CAPN9: variants seen among roughly 807,000 people sequenced by gnomAD.
The protein encoded by CAPN9 is calpain 9, also known as calpain-9.
Under a neutral mutation model 92.8 loss-of-function variants are expected in CAPN9, and 81 were observed. That is an observed-to-expected ratio of 0.87 (90% CI 0.73 to 1.05). CAPN9 has a LOEUF of 1.05. Among genes scored for constraint, CAPN9 ranks in the 50% least tolerant of loss-of-function variants. The probability of loss-of-function intolerance (pLI) is 0.00; values close to 1 mark genes in which losing one functional copy is unlikely to be tolerated. For missense variants in CAPN9, 848 were observed against 866.2 expected (o/e 0.98, Z 0.26); for synonymous variants, 304 against 328.0 (o/e 0.93, Z 0.79).
In CAPN9 at chr1:230,768,049, TAAATAAAA is replaced by T. The variant is rs1385075569; in HGVS notation, c.705+343_705+350del. ...ATAAATAAATAAATAAATAAATAAA[TAAATAAAA>T]AATAAAATAAAATAAAATAAAAATA... On this transcript the variant is annotated intron_variant, in intron 5 of 19. Coordinates refer to ENST00000271971, the MANE Select transcript of CAPN9 (RefSeq NM_006615.3). Among the ~76,000 whole-genome samples the T allele has an allele frequency of 7.8e-3, 573 of 73,808 alleles. 8 individuals carry two copies. The highest frequency in any genetic ancestry group is 0.022 in the African/African-American group (524 of 24,110). 48.4% of individuals were successfully genotyped at this position (73,808 alleles called of 152,430 possible). A position where few individuals can be genotyped will look rare whatever the true frequency, so the allele number is the denominator to read the frequency against.
intron 7 of CAPN9, among the ~76,000 whole-genome samples, chr1:230,772,710 C>T (rs1288956695): frequency 1.3e-5 from 2 of 149,030 alleles, no homozygotes; most frequent in Non-Finnish European, 3.0e-5. Flanking sequence ...CCACTGCATT[C>T]CAGCCTGGGC....
intron 6 of CAPN9, among the ~76,000 whole-genome samples, chr1:230,770,250 A>G (rs1027334026): frequency 6.6e-6 from 1 of 152,164 alleles, no homozygotes; most frequent in Non-Finnish European, 1.5e-5. Flanking sequence ...AGGAACACCA[A>G]TGGTAAAAGT....
intron 2 of CAPN9, among the ~76,000 whole-genome samples, chr1:230,756,345 A>T (rs1025740911): frequency 2.0e-5 from 3 of 152,236 alleles, no homozygotes; most frequent in African/African-American, 7.2e-5. Context: ...GGATAGATAG[A>T]TAGAAACATA....
At chr1:230,789,447 C>G (rs11585746) in intron 13 of CAPN9, among the ~76,000 whole-genome samples, 7 of 129,302 alleles carry the variant, frequency 5.4e-5, no homozygotes, top group South Asian at 5.1e-4. Context: ...ATACTCCAAT[C>G]TGGATGACAG....
At position 230,759,550 on chromosome 1, in the gene CAPN9, CTTAAT is replaced by C. The variant is rs1558087066; in HGVS notation, c.323_327del (p.Leu108ProfsTer31). 2 of 1,611,802 alleles carry C rather than the reference CTTAAT, an allele frequency of 1.2e-6. No individual in the cohort carries two copies. The highest frequency in any genetic ancestry group is 8.5e-7 in the Non-Finnish European group (1 of 1,179,262). ...ATTAGCCGCCATCGCCTCCCTTACG[CTTAAT>C]CAAAAAGCACTGGCCAGAGTCATCC... is the stretch of plus-strand genomic sequence containing the variant. On this transcript the variant is annotated frameshift_variant, in exon 3 of 20. Transcript: ENST00000271971. LOFTEE classifies it high-confidence loss of function.
In CAPN9 at chr1:230,779,097, C is replaced by T. The variant is rs780436701; in HGVS notation, c.1078C>T (p.Arg360Cys). The change falls in exon 9 of 20, where the codon CGC (arginine) becomes TGC (cysteine). Residue 360 changes from arginine to cysteine, a missense_variant. By Grantham distance (180) the Arg-to-Cys change is radical (BLOSUM62 -3). Transcript: ENST00000271971. ...GACGGTCCATCAGGGAAGCTGGGTT[C>T]GCGGCTCCACGGCTGGGGGCTGCCG... ...EVTVHQGSWV[R>C]GSTAGGCRNF... 4.3e-6 allele frequency: 7 copies of T among 1,612,712 alleles called. No individual in the cohort carries two copies. The highest frequency in any genetic ancestry group is 2.2e-5 in the East Asian group (1 of 44,852).
chr1:230,800,307 G>GAAGGA (rs1668647431), intron 19 of CAPN9, among the ~76,000 whole-genome samples: 1 of 50,640 alleles, frequency 2.0e-5, no homozygotes, highest in Non-Finnish European at 4.3e-5. Context: ...AGAAAGAAAG[G>GAAGGA]AAAAACAAGA....
intron 3 of CAPN9, 91 bp from the exon 4 acceptor site, chr1:230,762,562 G>C (rs1038903538): frequency 1.1e-5 from 17 of 1,499,164 alleles, no homozygotes; most frequent in Non-Finnish European, 1.5e-5. Context: ...GGTCAGAGGG[G>C]AAAAAAGCAA....
chr1:230,795,104 C>A, intron 17 of CAPN9, 59 bp from the exon 18 acceptor site: 2 of 1,068,894 alleles, frequency 1.9e-6, no homozygotes, highest in Non-Finnish European at 2.9e-6. Context: ...CTCAAAGGTG[C>A]AGACTCACCT....
At chr1:230,761,947 GCA>G (rs1300952507) in intron 3 of CAPN9, among the ~76,000 whole-genome samples, 3 of 152,154 alleles carry the variant, frequency 2.0e-5, no homozygotes, top group Non-Finnish European at 1.5e-5. Context: ...ACACATACAT[GCA>G]CACACATGCA....
Position 230,779,052 on chromosome 1 carries a change from G to A in CAPN9, c.1033G>A (p.Ala345Thr), listed in dbSNP as rs145648359. 3.3e-4 allele frequency: 540 copies of A among 1,613,702 alleles called. 6 individuals carry two copies. In the South Asian group the frequency reaches 5.2e-3, roughly 16 times the overall value. ...CACTCCCGATGCCCTGGAGGAAGAC[G>A]CGATCCACAAATGGGAGGTGACGGT... ...NLTPDALEED[A>T]IHKWEVTVHQ... Residue 345 changes from alanine (A) to threonine (T), a missense_variant, in exon 9 of 20, where the codon GCG becomes ACG. Coordinates refer to ENST00000271971, the MANE Select transcript of CAPN9 (RefSeq NM_006615.3).
Position 230,772,085 on chromosome 1 carries a change from G to C in CAPN9, c.861G>C (p.Gly287=). The change falls in exon 7 of 20, where the codon GGG becomes GGC. Residue 287 remains glycine, a synonymous_variant. Coordinates refer to ENST00000271971, the MANE Select transcript of CAPN9 (RefSeq NM_006615.3). ...CTTGGGGCCAGGTTGAGTGGAACGGGTCGTGGAGCGACAGGTCAGTCACCC... is the reference window on the plus strand; with the variant it reads ...CTTGGGGCCAGGTTGAGTGGAACGGCTCGTGGAGCGACAGGTCAGTCACCC... ...RNPWGQVEWN[G]SWSDSSPEWR... The C allele has an allele frequency of 1.2e-6, 2 of 1,614,210 alleles. No homozygotes were observed. The highest frequency in any genetic ancestry group is 3.3e-4 in the Middle Eastern group (2 of 6,062).
chr1:230,754,138 A>AGGGGCGGGGCAGGAGGCTGGGG (rs1558082718), intron 1 of CAPN9, among the ~76,000 whole-genome samples: 4 of 150,764 alleles, frequency 2.7e-5, no homozygotes, highest in African/African-American at 9.9e-5. Context: ...GGAGGCTGGG[A>AGGGGCGGGGCAGGAGGCTGGGG]AGGGGCGGGG....
At chr1:230,756,305 TGAGAGAGA>T (rs113474263) in intron 2 of CAPN9, among the ~76,000 whole-genome samples, 58 of 141,316 alleles carry the variant, frequency 4.1e-4, no homozygotes, top group Middle Eastern at 3.7e-3. Context: ...GAGAGACAAT[TGAGAGAGA>T]GAGAGAGAGA....
At chr1:230,769,387 A>G in intron 6 of CAPN9, 124 bp downstream of exon 6, 1 of 680,062 alleles carries the variant, frequency 1.5e-6, no homozygotes, top group Non-Finnish European at 2.4e-6. Context: ...AGATTATGTC[A>G]CCTAAAGAGG....
chr1:230,792,040 G>A (rs1446750325), intron 15 of CAPN9, 112 bp downstream of exon 15: 1 of 817,646 alleles, frequency 1.2e-6, no homozygotes, highest in Non-Finnish European at 2.0e-6. Context: ...TTAGCCAGCA[G>A]AATAGTCTTC....
At chr1:230,770,317 G>A (rs532232922) in intron 6 of CAPN9, among the ~76,000 whole-genome samples, 6 of 152,302 alleles carry the variant, frequency 3.9e-5, no homozygotes, top group African/African-American at 7.2e-5. Context: ...GGAAGAGAGA[G>A]TGAATTCCCC....
Position 230,798,219 on chromosome 1 carries a change from A to T in CAPN9, c.2045A>T (p.Glu682Val). ...NKEFIHLNIN[E>V]FIHLTMNI ...GAGTTCATTCATCTCAATATAAATG[A>T]GGTATGGCCAATCCAGACCCTCTGC... The change falls in exon 19 of 20, where the codon GAG (glutamate) becomes GTG (valine). Residue 682 changes from glutamate to valine, a missense_variant and splice_region_variant. Glu to Val is a moderately radical substitution (Grantham distance 121). Coordinates refer to ENST00000271971, the MANE Select transcript of CAPN9 (RefSeq NM_006615.3). The T allele has an allele frequency of 1.2e-6, 2 of 1,608,246 alleles. No individual in the cohort carries two copies. Among genetic ancestry groups the T allele is most frequent in the Middle Eastern group, 3.3e-4 (2 of 6,052 alleles).
At chr1:230,792,697 G>T in intron 16 of CAPN9, among the ~76,000 whole-genome samples, 153 bp from the exon 17 acceptor site, 1 of 152,254 alleles carries the variant, frequency 6.6e-6, no homozygotes, top group East Asian at 1.9e-4. Context: ...GAAGACAAAA[G>T]GGAGACCGAC....
Sources: allele counts gnomAD v4.1 joint callset (sites outside exome capture counted in the v4.1 genomes callset), GRCh38; gene constraint gnomAD v4.1.1; transcripts MANE v1.5; gene names NCBI Gene and HGNC (gene_info 2026-07-23, HGNC 2026-07-21).